BNC2: variants seen among roughly 807,000 people sequenced by gnomAD.
BNC2 encodes zinc finger protein basonuclin-2.
A neutral mutation model predicts 76.3 loss-of-function variants in BNC2; 20 were observed. That is an observed-to-expected ratio of 0.26 (90% confidence interval 0.18 to 0.38). BNC2 has a LOEUF of 0.38. Among genes scored for constraint, BNC2 ranks in the 10% least tolerant of loss-of-function variants. The probability of loss-of-function intolerance (pLI) is 1.00; values close to 1 mark genes in which losing one functional copy is unlikely to be tolerated. For synonymous variants in BNC2, 582 were observed against 514.8 expected (o/e 1.13, Z -1.77); for missense variants, 1,382 against 1,399.8 (o/e 0.99, Z 0.20).
chr9:16,519,647 T>C (rs1031537192), intron 5 of BNC2, among the ~76,000 whole-genome samples: 2 of 152,162 alleles, frequency 1.3e-5, no homozygotes, highest in Non-Finnish European at 2.9e-5. Context: ...ACAACAAAAA[T>C]AGCTGCTACT....
In BNC2 at chr9:16,775,525, C is replaced by G. The variant is rs529589851; in HGVS notation, c.4-37040G>C. The G allele has an allele frequency of 4.5e-4, 69 of 153,028 alleles. 1 individual carries two copies. In the South Asian group the frequency reaches 0.011, roughly 24 times the overall value. The allele number at this position is 153,028 out of a possible 1,614,324, so 9.5% of individuals were successfully genotyped here. ...AGGTAACCAGGGTATCAGTTTCATT[C>G]AGTGACAGCCCTTACTCTTCAAGAG... On this transcript the variant is annotated intron_variant, in intron 1 of 6. Transcript: ENST00000380672.
rs557320611 is a variant in BNC2, at chr9:16,420,588, CCTTTA to C, written c.2640-944_2640-940del. The stretch of plus-strand genomic sequence containing the variant: ...TCAAGCACAACAATAACATAGGGTT[CCTTTA>C]CTTTAACAACTGGAACCCATACTTC... On this transcript the variant is annotated intron_variant, in intron 6 of 6. Coordinates refer to ENST00000380672, the MANE Select transcript of BNC2 (RefSeq NM_017637.6). Among the ~76,000 whole-genome samples the C allele has an allele frequency of 4.7e-3, 717 of 152,106 alleles. 1 individual carries two copies. Among genetic ancestry groups the C allele is most frequent in the Non-Finnish European group, 6.9e-3 (471 of 67,998 alleles).
At chr9:16,529,988 C>T (rs1817926439) in intron 5 of BNC2, among the ~76,000 whole-genome samples, 1 of 152,050 alleles carries the variant, frequency 6.6e-6, no homozygotes, top group South Asian at 2.1e-4. Context: ...GCTGGGATTA[C>T]AGGTACGGAC....
At chr9:16,571,522 G>GC (rs1194125169) in intron 4 of BNC2, among the ~76,000 whole-genome samples, 17 of 152,024 alleles carry the variant, frequency 1.1e-4, no homozygotes, top group African/African-American at 4.1e-4. Flanking sequence ...GCTGCCTGCA[G>GC]TTTTTTTCCT....
chr9:16,664,078 C>T (rs376240505), intron 3 of BNC2, among the ~76,000 whole-genome samples: 2 of 152,076 alleles, frequency 1.3e-5, no homozygotes, highest in Admixed American at 6.6e-5. Context: ...TCCTGCTTCT[C>T]GAAATAATAG....
intron 3 of BNC2, among the ~76,000 whole-genome samples, chr9:16,673,242 T>C (rs1050441378): frequency 6.6e-6 from 1 of 152,198 alleles, no homozygotes; most frequent in Admixed American, 6.5e-5. Context: ...TGGTTTCATT[T>C]ATAAGTAAAA....
At chr9:16,818,255 T>A (rs1242956193) in intron 1 of BNC2, among the ~76,000 whole-genome samples, 1 of 152,034 alleles carries the variant, frequency 6.6e-6, no homozygotes, top group African/African-American at 2.4e-5. Context: ...ATACAAAAAA[T>A]TAGCCGGGCG....
chr9:16,832,325 C>G (rs1818595102), intron 1 of BNC2: 4 of 1,264,798 alleles, frequency 3.2e-6, no homozygotes, highest in Admixed American at 2.7e-5. Flanking sequence ...CCATGAAGCA[C>G]AGAATTCCAG....
rs1191107098 is a variant in BNC2, at chr9:16,437,499, C to T, written c.695G>A (p.Arg232His). 1.9e-6 allele frequency: 3 copies of T among 1,612,984 alleles called. No individual in the cohort carries two copies. The highest frequency in any genetic ancestry group is 8.5e-7 in the Non-Finnish European group (1 of 1,179,966). Reference protein sequence around the residue: ...LQDAAGKVLDRWAIMSREEEI... With the variant: ...LQDAAGKVLDHWAIMSREEEI... ...CTCTTCTCGAGACATGATGGCCCAG[C>T]GGTCCAGCACCTTGCCAGCAGCATC... The change falls in exon 6 of 7, where the codon CGC (arginine) becomes CAC (histidine). Residue 232 changes from arginine (R) to histidine (H), a missense_variant. Physicochemically the swap from Arg to His is conservative, Grantham distance 29. Around this residue, in one of 3 missense-constraint regions of BNC2, gnomAD observed 557 missense variants for 540.9 expected, o/e 1.03. Transcript: ENST00000380672.
chr9:16,603,795 C>G (rs1340954597), intron 3 of BNC2, among the ~76,000 whole-genome samples: 1 of 152,050 alleles, frequency 6.6e-6, no homozygotes, highest in Non-Finnish European at 1.5e-5. Context: ...TTTATTAATG[C>G]CCAGAAAAAT....
intron 1 of BNC2, among the ~76,000 whole-genome samples, chr9:16,826,554 T>C (rs1356761726): frequency 2.0e-5 from 3 of 152,186 alleles, no homozygotes; most frequent in African/African-American, 4.8e-5. Context: ...GTATAATAAA[T>C]GCAAAAGAAA....
At chr9:16,564,867 G>C (rs1819124874) in intron 4 of BNC2, among the ~76,000 whole-genome samples, 1 of 152,072 alleles carries the variant, frequency 6.6e-6, no homozygotes, top group East Asian at 1.9e-4. Flanking sequence ...TCATACTGTA[G>C]ATAAAAGTTT....
intron 1 of BNC2, chr9:16,867,246 T>C (rs1819564231): frequency 6.6e-6 from 1 of 152,230 alleles, no homozygotes; most frequent in Non-Finnish European, 1.5e-5. Context: ...TCATGAACTG[T>C]ATCTGTGGGG....
At chr9:16,850,955 G>T (rs1819113878) in intron 1 of BNC2, among the ~76,000 whole-genome samples, 1 of 152,140 alleles carries the variant, frequency 6.6e-6, no homozygotes, top group East Asian at 1.9e-4. Flanking sequence ...ACTAGACACA[G>T]GCTGTCTGAA....
At chr9:16,825,055 C>G (rs370924709) in intron 1 of BNC2, among the ~76,000 whole-genome samples, 3 of 120,472 alleles carry the variant, frequency 2.5e-5, no homozygotes, top group African/African-American at 9.1e-5. Flanking sequence ...TTTTTTTTTT[C>G]TTTCTGTAAA....
At chr9:16,766,737 G>A (rs1049933909) in intron 1 of BNC2, among the ~76,000 whole-genome samples, 2 of 152,180 alleles carry the variant, frequency 1.3e-5, no homozygotes, top group African/African-American at 4.8e-5. Context: ...AGGTCCTGTT[G>A]GAGTTTGGAA....
intron 5 of BNC2, among the ~76,000 whole-genome samples, chr9:16,533,940 G>T (rs1818058090): frequency 6.6e-6 from 1 of 152,056 alleles, no homozygotes; most frequent in Non-Finnish European, 1.5e-5. Flanking sequence ...TAGTAATACA[G>T]CAGATTTCAA....
At chr9:16,645,507 C>T (rs1279522117) in intron 3 of BNC2, among the ~76,000 whole-genome samples, 3 of 152,142 alleles carry the variant, frequency 2.0e-5, no homozygotes, top group African/African-American at 7.2e-5. Flanking sequence ...TACATTACCA[C>T]ACTGTCTATT....
rs1306119283 is a variant in BNC2 at position 16,419,422 on chromosome 9, T to C, written c.2867A>G (p.Asp956Gly). 3.1e-6 allele frequency: 5 copies of C among 1,606,490 alleles called. No homozygotes were observed. Among genetic ancestry groups the C allele is most frequent in the Non-Finnish European group, 4.3e-6 (5 of 1,175,938 alleles). ...LNGYGRGMAE[D>G]YMVLDLSTTS... ...GGTGCTCAAGTCAAGGACCATGTAG[T>C]CCTCTGCCATGCCTCTCCCATACCC... Residue 956 changes from aspartate (D) to glycine (G), a missense_variant, in exon 7 of 7, where the codon GAC becomes GGC. Transcript: ENST00000380672.
Sources: gnomAD v4.1 joint callset for allele counts (sites outside exome capture counted in the v4.1 genomes callset) on GRCh38, gnomAD v4.1.1 for gene constraint, gnomAD v4.1.1 regional missense constraint, MANE v1.5 for transcripts, NCBI Gene and HGNC (gene_info 2026-07-23, HGNC 2026-07-21) for gene names.